The following CNPY3 variants were observed in gnomAD, a reference collection of about 807,000 sequenced individuals.
CNPY3 encodes the protein canopy FGF signaling regulator 3, also known as protein canopy homolog 3.
In CNPY3, 20 loss-of-function variants were observed where a neutral mutation model predicts 32.0. The ratio of observed to expected loss-of-function variants is 0.63; its 90% CI spans 0.44 to 0.91. The LOEUF is 0.91. Ranked by LOEUF, CNPY3 falls within the 40% of genes least tolerant of loss-of-function variation. The pLI is 0.00. For missense variants in CNPY3, 299 were observed against 340.8 expected (o/e 0.88, Z 0.97); for synonymous variants, 138 against 142.9 (o/e 0.97, Z 0.24).
At chr6:42,931,690 C>T (rs940781840) in intron 1 of CNPY3, among the ~76,000 whole-genome samples, 2 of 151,146 alleles carry the variant, frequency 1.3e-5, no homozygotes, top group African/African-American at 4.9e-5. Flanking sequence ...CAGCGTTTCG[C>T]TTCCTCTTCT....
intron 3 of CNPY3, 150 bp from the exon 4 acceptor site, chr6:42,937,567 A>T: frequency 1.3e-6 from 1 of 783,948 alleles, no homozygotes; most frequent in Non-Finnish European, 2.0e-6. Flanking sequence ...TGGGCGACAG[A>T]GTGAGACTCC....
At chr6:42,936,497 C>T (rs1193634041) in intron 3 of CNPY3, among the ~76,000 whole-genome samples, 6 of 152,108 alleles carry the variant, frequency 3.9e-5, no homozygotes, top group African/African-American at 1.4e-4. Context: ...TGGGGAGGCT[C>T]TTTAGGAACT....
intron 2 of CNPY3, 50 bp from the exon 3 acceptor site, chr6:42,935,524 C>G: frequency 1.3e-6 from 2 of 1,581,708 alleles, no homozygotes; most frequent in South Asian, 1.1e-5. Context: ...GACCACTAAC[C>G]CACTGCGGCT....
chr6:42,928,992 C>T (rs1380610120), upstream of CNPY3, among the ~76,000 whole-genome samples: 1 of 152,166 alleles, frequency 6.6e-6, no homozygotes. Context: ...AGTCGTCCTG[C>T]TTGCACCTTA....
At chr6:42,929,015 A>G (rs1350422720), upstream of CNPY3, among the ~76,000 whole-genome samples, 1 of 152,090 alleles carries the variant, frequency 6.6e-6, no homozygotes, top group African/African-American at 2.4e-5. Flanking sequence ...CGCCTACAAG[A>G]GTGCCCGGCT....
chr6:42,937,106 G>T (rs554980318), intron 3 of CNPY3, among the ~76,000 whole-genome samples: 1 of 152,228 alleles, frequency 6.6e-6, no homozygotes, highest in South Asian at 2.1e-4. Flanking sequence ...GGAACAGCAG[G>T]TCTGGATGAT....
Position 42,939,141 on chromosome 6 carries a change from TC to T in CNPY3, c.*354del. On this transcript the variant is annotated 3_prime_UTR_variant, in exon 6 of 6. Transcript: ENST00000372836. ...GACCAAACTCACCATCCCTCAGTCCTCCCCAACAGGGTACTAGGACTGCAGC... is the reference window on the plus strand; with the variant it reads ...GACCAAACTCACCATCCCTCAGTCCTCCCAACAGGGTACTAGGACTGCAGC... 9.2e-7 allele frequency: 1 copy of T among 1,084,306 alleles called. No homozygotes were observed. Among genetic ancestry groups the T allele is most frequent in the Non-Finnish European group, 1.1e-6 (1 of 892,808 alleles). 67.2% of individuals were successfully genotyped at this position (1,084,306 alleles called of 1,614,324 possible).
In CNPY3 at chr6:42,938,657, G is replaced by C; in HGVS notation, c.703G>C (p.Ala235Pro). The change falls in exon 6 of 6, where the codon GCA becomes CCA. Residue 235 changes from alanine (A) to proline (P), a missense_variant. By Grantham distance (27) the Ala-to-Pro change is conservative. Transcript: ENST00000372836. ...CAAGAAGAAGAGCAGCAGGGCCAAG[G>C]CAGCAGGCGGCAGGAGTAGCAGCAG... is the stretch of plus-strand genomic sequence containing the variant. ...KSKKKSSRAKAAGGRSSSSKQ... is the reference protein window; with the variant it reads ...KSKKKSSRAKPAGGRSSSSKQ... 2 of 1,613,194 alleles carry C rather than the reference G, an allele frequency of 1.2e-6. No homozygotes were observed. Among genetic ancestry groups the C allele is most frequent in the Non-Finnish European group, 1.7e-6 (2 of 1,179,620 alleles).
chr6:42,933,251 C>A (rs1767960908), intron 1 of CNPY3, among the ~76,000 whole-genome samples: 1 of 152,174 alleles, frequency 6.6e-6, no homozygotes, highest in African/African-American at 2.4e-5. Flanking sequence ...AGGCACTTCA[C>A]ACCCTCGGTG....
chr6:42,936,188 A>G (rs1768223925), intron 3 of CNPY3, among the ~76,000 whole-genome samples: 1 of 133,936 alleles, frequency 7.5e-6, no homozygotes, highest in East Asian at 2.1e-4. Flanking sequence ...TACTCTCTAC[A>G]TCTTCAGTGC....
intron 3 of CNPY3, among the ~76,000 whole-genome samples, chr6:42,936,177 T>TGGCCCATG (rs1224204037): frequency 6.6e-5 from 10 of 152,246 alleles, no homozygotes; most frequent in South Asian, 4.1e-4. Flanking sequence ...CCCATAGTTC[T>TGGCCCATG]TACTCTCTAC....
In CNPY3 at chr6:42,938,605, C is replaced by G; in HGVS notation, c.651C>G (p.Asp217Glu). 6.2e-7 allele frequency: 1 copy of G among 1,604,312 alleles called. No homozygotes were observed. Among genetic ancestry groups the G allele is most frequent in the South Asian group, 1.1e-5 (1 of 89,490 alleles). ...AGCAGTGGTCCGGCAAGAAGGGAGACACAGCTGCCCTGGGAGGGAAGAAGT... is the reference window on the plus strand; with the variant it reads ...AGCAGTGGTCCGGCAAGAAGGGAGAGACAGCTGCCCTGGGAGGGAAGAAGT... Reference protein sequence around the residue: ...LAEQWSGKKGDTAALGGKKSK... With the variant: ...LAEQWSGKKGETAALGGKKSK... The change falls in exon 6 of 6, where the codon GAC becomes GAG. Residue 217 changes from aspartate to glutamate, a missense_variant. Asp to Glu is a conservative substitution (Grantham distance 45). This residue lies in a region of CNPY3 where 211 missense variants were observed against 278.3 expected (regional missense o/e 0.76). Coordinates refer to ENST00000372836, the MANE Select transcript of CNPY3 (RefSeq NM_006586.5).
intron 1 of CNPY3, 123 bp from the exon 2 acceptor site, chr6:42,934,352 C>A: frequency 8.4e-7 from 1 of 1,192,672 alleles, no homozygotes; most frequent in Non-Finnish European, 1.2e-6. Context: ...CCTTCCCTGC[C>A]TTGAGTGCTG....
chr6:42,933,053 A>G (rs973462680), intron 1 of CNPY3, among the ~76,000 whole-genome samples: 4 of 152,202 alleles, frequency 2.6e-5, no homozygotes, highest in African/African-American at 9.6e-5. Flanking sequence ...CTTGTGGTCT[A>G]TGTGGAGAGA....
intron 2 of CNPY3, 34 bp downstream of exon 2, chr6:42,934,632 G>A (rs746535848): frequency 1.1e-5 from 17 of 1,612,126 alleles, no homozygotes; most frequent in Non-Finnish European, 1.4e-5. Context: ...CCTGGCCTGC[G>A]TTGCTGCTGG....
chr6:42,932,626 A>G (rs1346382491), intron 1 of CNPY3, among the ~76,000 whole-genome samples: 1 of 152,152 alleles, frequency 6.6e-6, no homozygotes, highest in Non-Finnish European at 1.5e-5. Flanking sequence ...AGGAGGGGCA[A>G]GTGGTGCTAG....
intron 1 of CNPY3, among the ~76,000 whole-genome samples, chr6:42,931,252 G>A (rs1375506444): frequency 2.3e-5 from 3 of 130,434 alleles, no homozygotes; most frequent in African/African-American, 6.0e-5. Context: ...TTGAGATGGA[G>A]TTTCGCTCTT....
chr6:42,936,113 T>G (rs186498638), intron 3 of CNPY3, among the ~76,000 whole-genome samples: 2 of 152,296 alleles, frequency 1.3e-5, no homozygotes, highest in African/African-American at 2.4e-5. Flanking sequence ...GCCCATGTAC[T>G]CAGTATGTGT....
rs111269558 is a variant in CNPY3 at position 42,937,985 on chromosome 6, C to T, written c.496-105C>T. On this transcript the variant is annotated intron_variant, in intron 4 of 5. Transcript: ENST00000372836. ...CTGGCCTCAGTTTCCTTAGGTGAACCGCTGCCACTGCCTACCTTGCAGTGG... is the reference window on the plus strand; with the variant it reads ...CTGGCCTCAGTTTCCTTAGGTGAACTGCTGCCACTGCCTACCTTGCAGTGG... The T allele has an allele frequency of 5.4e-4, 780 of 1,440,928 alleles. 6 individuals are homozygous for T. The African/African-American group carries it at 5.5e-3, about 10-fold the overall frequency. The allele number at this position is 1,440,928 out of a possible 1,614,324, so 89.3% of individuals were successfully genotyped here. A position where few individuals can be genotyped will look rare whatever the true frequency, so the allele number is the denominator to read the frequency against.
Sources: allele counts gnomAD v4.1 joint callset (sites outside exome capture counted in the v4.1 genomes callset), GRCh38; gene constraint gnomAD v4.1.1; regional missense constraint gnomAD v4.1.1; transcripts MANE v1.5; gene names NCBI Gene and HGNC (gene_info 2026-07-23, HGNC 2026-07-21).